PANK2: variants seen among roughly 807,000 people sequenced by gnomAD.
PANK2 encodes the protein pantothenate kinase 2, mitochondrial.
A neutral mutation model predicts 43.1 loss-of-function variants in PANK2; 36 were observed. The observed-to-expected ratio is 0.84, with a 90% CI of 0.64 to 1.10. PANK2 has a LOEUF of 1.10. PANK2 is among the 50% of genes least tolerant of loss of function. The probability of loss-of-function intolerance (pLI) is 0.00; values close to 1 mark genes in which losing one functional copy is unlikely to be tolerated. For missense variants in PANK2, 576 were observed against 593.3 expected, an observed-to-expected ratio of 0.97 and a Z score of 0.30; for synonymous variants, 281 against 238.2, an observed-to-expected ratio of 1.18 and a Z score of -1.66.
At chr20:3,910,453 AAAT>A (rs2090451119) in intron 2 of PANK2, 121 bp from the exon 3 acceptor site, 1 of 1,124,342 alleles carries the variant, frequency 8.9e-7, no homozygotes, top group Non-Finnish European at 1.3e-6. Flanking sequence ...AAGCATGCAC[AAAT>A]AATACACATC....
intron 1 of PANK2, among the ~76,000 whole-genome samples, chr20:3,895,891 T>C (rs1205989729): frequency 1.3e-5 from 2 of 152,154 alleles, no homozygotes; most frequent in African/African-American, 4.8e-5. Flanking sequence ...TTTAAAACTA[T>C]TTTGGGAATA....
intron 2 of PANK2, 86 bp downstream of exon 2, chr20:3,908,364 C>G (rs1280816352): frequency 8.0e-7 from 1 of 1,242,930 alleles, no homozygotes; most frequent in African/African-American, 1.5e-5. Context: ...TAATTTCCAT[C>G]TCTAATGGAA....
At chr20:3,888,825 G>A, upstream of PANK2, 2 of 440,632 alleles carry the variant, frequency 4.5e-6, no homozygotes, top group East Asian at 3.5e-5. Context: ...GAAAGGAGGC[G>A]GCTTAGCCCA....
chr20:3,911,642 A>T (rs1205687013), intron 3 of PANK2, among the ~76,000 whole-genome samples: 1 of 151,662 alleles, frequency 6.6e-6, no homozygotes, highest in African/African-American at 2.4e-5. Context: ...CTGTAATCCC[A>T]GCACTTTGGG....
In PANK2 at chr20:3,923,827, A is replaced by C. The variant is rs2090683822; in HGVS notation, c.*533A>C. 6.4e-6 allele frequency: 1 copy of C among 157,026 alleles called. No homozygotes were observed. Among genetic ancestry groups the C allele is most frequent in the African/African-American group, 2.4e-5 (1 of 41,484 alleles). The allele number at this position is 157,026 out of a possible 1,614,324, so 9.7% of individuals were successfully genotyped here. A position where few individuals can be genotyped will look rare whatever the true frequency, so the allele number is the denominator to read the frequency against. ...ATTGGGCAGGTTAATTGTGTACCTG[A>C]AACTTAACAAGCAGTTTTTGGAAGG... On this transcript the variant is annotated 3_prime_UTR_variant, in exon 7 of 7. Transcript: ENST00000610179.
rs1323501967 is a variant in PANK2, at chr20:3,926,694, C to G, written c.*3400C>G. The G allele has an allele frequency of 3.9e-5, 6 of 152,574 alleles. No homozygotes were observed. Among genetic ancestry groups the G allele is most frequent in the African/African-American group, 1.4e-4 (6 of 41,406 alleles). The allele number at this position is 152,574 out of a possible 1,614,324, so 9.5% of individuals were successfully genotyped here. A position where few individuals can be genotyped will look rare whatever the true frequency, so the allele number is the denominator to read the frequency against. The stretch of plus-strand genomic sequence containing the variant: ...ATGGCTCATGCCTGTAATCCCAGCA[C>G]TTTGGAAGGCCAAGGCGGGTGGATC... On this transcript the variant is annotated 3_prime_UTR_variant, in exon 7 of 7. Coordinates refer to ENST00000610179, the MANE Select transcript of PANK2 (RefSeq NM_001386393.1).
upstream of PANK2, chr20:3,888,943 A>AAGGCAGTGTAGATCTCGGTGGTC: frequency 1.7e-6 from 1 of 576,060 alleles, no homozygotes. Context: ...GCCGACGACC[A>AAGGCAGTGTAGATCTCGGTGGTC]GCGGCCAGAC....
At position 3,918,734 on chromosome 20, in the gene PANK2, T is replaced by C; in HGVS notation, c.1270T>C (p.Leu424=). The change falls in exon 6 of 7, where the codon TTG becomes CTG. Residue 424 remains leucine (L), a synonymous_variant. Transcript: ENST00000610179. ...AATTAATACGATCGCCATGCGGCTT[T>C]TGGCATATGCTTTGGATTATTGGTC... 1 of 1,614,258 alleles carries C rather than the reference T, an allele frequency of 6.2e-7. No individual in the cohort carries two copies. Among genetic ancestry groups the C allele is most frequent in the African/African-American group, 1.3e-5 (1 of 75,060 alleles).
chr20:3,907,603 A>G lies in PANK2; in HGVS notation c.299-323A>G, dbSNP rs564742448. 5.3e-5 allele frequency among the ~76,000 whole-genome samples: 8 copies of G among 152,216 alleles called. No homozygotes were observed. In the South Asian group the frequency reaches 1.2e-3, roughly 24 times the overall value. ...TAGGAAAGAGAGATTTTCATTCTGA[A>G]TCTTTGTTTTTCACAGTTGAGGCTT... On this transcript the variant is annotated intron_variant, in intron 1 of 6. Transcript: ENST00000610179.
chr20:3,903,156 C>G (rs560324266), intron 1 of PANK2, among the ~76,000 whole-genome samples: 1 of 150,588 alleles, frequency 6.6e-6, no homozygotes, highest in Non-Finnish European at 1.5e-5. Context: ...TTTTTTTCCC[C>G]CTTTTTGAGA....
chr20:3,889,399 C>T lies in PANK2; in HGVS notation c.-32C>T, dbSNP rs1441505244. On this transcript the variant is annotated 5_prime_UTR_variant, in exon 1 of 7. Coordinates refer to ENST00000610179, the MANE Select transcript of PANK2 (RefSeq NM_001386393.1). ...AGGGCGCGCCTCTGCTCTGGCTGGA[C>T]TGCCGCGGAGGAGGCGAGAAGGAAT... The T allele has an allele frequency of 1.3e-6, 2 of 1,573,382 alleles. No homozygotes were observed. Among genetic ancestry groups the T allele is most frequent in the East Asian group, 2.3e-5 (1 of 42,820 alleles).
chr20:3,889,184 C>T (rs753909037), upstream of PANK2: 41 of 1,610,656 alleles, frequency 2.5e-5, no homozygotes, highest in Admixed American at 8.4e-5. Context: ...GCCTTCTCTT[C>T]CTCCGCGGAA....
chr20:3,898,263 G>A (rs898402309), intron 1 of PANK2, among the ~76,000 whole-genome samples: 2 of 151,276 alleles, frequency 1.3e-5, no homozygotes, highest in South Asian at 2.1e-4. Context: ...GCAGTGGCAC[G>A]ATCTTGGCTA....
Position 3,908,050 on chromosome 20 carries a change from C to T in PANK2, c.423C>T (p.Tyr141=). Reference sequence around the variant, plus strand: ...AAAGTCTTAAAAGCATTCGGAAGTACCTGACCTCCAATGTGGCTTATGGGT... The same window carrying T: ...AAAGTCTTAAAAGCATTCGGAAGTATCTGACCTCCAATGTGGCTTATGGGT... Residue 141 remains tyrosine, a synonymous_variant, in exon 2 of 7, where the codon TAC becomes TAT. Transcript: ENST00000610179. 1.9e-6 allele frequency: 3 copies of T among 1,614,130 alleles called. No individual in the cohort carries two copies. The highest frequency in any genetic ancestry group is 2.5e-6 in the Non-Finnish European group (3 of 1,180,032).
Position 3,912,447 on chromosome 20 carries a change from T to C in PANK2, c.906-11T>C, listed in dbSNP as rs1357609677. On this transcript the variant is annotated splice_polypyrimidine_tract_variant and intron_variant, in intron 3 of 6. Coordinates refer to ENST00000610179, the MANE Select transcript of PANK2 (RefSeq NM_001386393.1). Reference sequence around the variant, plus strand: ...ATGTTATAATACTGTGTTAATTGTTTTTAATCATAGTCTTGGAGGAGGAAC... The same window carrying C: ...ATGTTATAATACTGTGTTAATTGTTCTTAATCATAGTCTTGGAGGAGGAAC... 1.2e-6 allele frequency: 2 copies of C among 1,613,736 alleles called. No individual in the cohort carries two copies. The highest frequency in any genetic ancestry group is 1.7e-6 in the Non-Finnish European group (2 of 1,179,620).
intron 1 of PANK2, among the ~76,000 whole-genome samples, chr20:3,895,729 C>A (rs764026809): frequency 6.6e-6 from 1 of 151,916 alleles, no homozygotes; most frequent in Non-Finnish European, 1.5e-5. Context: ...TTCTAAATTG[C>A]GGCTTAAAGT....
intron 1 of PANK2, among the ~76,000 whole-genome samples, chr20:3,892,073 T>A (rs1272793859): frequency 1.3e-5 from 2 of 152,178 alleles, no homozygotes; most frequent in Non-Finnish European, 2.9e-5. Context: ...CAGTGGCTCA[T>A]GCCTGTAATC....
intron 2 of PANK2, among the ~76,000 whole-genome samples, chr20:3,909,521 G>A (rs958071173): frequency 5.3e-5 from 8 of 152,158 alleles, no homozygotes; most frequent in Non-Finnish European, 1.0e-4. Flanking sequence ...GTGAGCCACC[G>A]TTCCTGGCCT....
chr20:3,889,848 C>T lies in PANK2; in HGVS notation c.298+120C>T, dbSNP rs777469590. The T allele has an allele frequency of 2.0e-6, 3 of 1,534,606 alleles. No homozygotes were observed. In the South Asian group the frequency reaches 3.6e-5, roughly 18 times the overall value. On this transcript the variant is annotated intron_variant, in intron 1 of 6. Coordinates refer to ENST00000610179, the MANE Select transcript of PANK2 (RefSeq NM_001386393.1). Reference sequence around the variant, plus strand: ...CGGACACTGTCCCCGCACGGTGGTCCCTCGTTGGTGCGTGGCCTGACATCC... The same window carrying T: ...CGGACACTGTCCCCGCACGGTGGTCTCTCGTTGGTGCGTGGCCTGACATCC...
Sources: gnomAD v4.1 joint callset for allele counts (sites outside exome capture counted in the v4.1 genomes callset) on GRCh38, gnomAD v4.1.1 for gene constraint, MANE v1.5 for transcripts, NCBI Gene and HGNC (gene_info 2026-07-23, HGNC 2026-07-21) for gene names.